Variants in TSHZ3 observed in about 807,000 individuals in gnomAD.
The protein encoded by TSHZ3 is teashirt homolog 3.
A neutral mutation model predicts 64.5 loss-of-function variants in TSHZ3; 10 were observed. The observed-to-expected ratio is 0.16, with a 90% CI of 0.10 to 0.26. The LOEUF (loss-of-function observed/expected upper bound fraction) is 0.26, where lower values mean the gene tolerates loss of function less well. Ranked by LOEUF, TSHZ3 falls within the 10% of genes least tolerant of loss-of-function variation. TSHZ3 has a pLI of 1.00. For missense variants in TSHZ3, 1,242 were observed against 1,421.7 expected, an observed-to-expected ratio of 0.87 and a Z score of 2.03; for synonymous variants, 608 against 593.1, an observed-to-expected ratio of 1.03 and a Z score of -0.36.
chr19:31,196,956 C>G (rs1436875822), intron 5 of TSHZ3, among the ~76,000 whole-genome samples: 1 of 151,970 alleles, frequency 6.6e-6, no homozygotes, highest in Non-Finnish European at 1.5e-5. Flanking sequence ...CATCAATCAA[C>G]TGTATATAAT....
At chr19:31,315,743 A>G (rs1003270437) in intron 1 of TSHZ3, among the ~76,000 whole-genome samples, 1 of 152,256 alleles carries the variant, frequency 6.6e-6, no homozygotes, top group African/African-American at 2.4e-5. Flanking sequence ...AACACAAACC[A>G]TTAAGTTTGT....
At chr19:31,181,998 A>G (rs1052367128) in intron 5 of TSHZ3, among the ~76,000 whole-genome samples, 7 of 152,182 alleles carry the variant, frequency 4.6e-5, no homozygotes, top group Non-Finnish European at 8.8e-5. Context: ...TCTCCACTGC[A>G]GGTGAATGCA....
downstream of TSHZ3, among the ~76,000 whole-genome samples, chr19:31,272,114 G>A (rs572199257): frequency 1.3e-5 from 2 of 152,270 alleles, no homozygotes; most frequent in South Asian, 2.1e-4. Flanking sequence ...GTCTAAAGAT[G>A]ATAGTTTTCA....
intron 5 of TSHZ3, among the ~76,000 whole-genome samples, chr19:31,156,505 C>T (rs952166311): frequency 5.3e-5 from 8 of 152,162 alleles, no homozygotes; most frequent in Non-Finnish European, 2.9e-5. Context: ...AGATATCAGC[C>T]ACCCAGGGCA....
At chr19:31,156,933 T>C (rs1279615156) in intron 5 of TSHZ3, among the ~76,000 whole-genome samples, 12 of 152,162 alleles carry the variant, frequency 7.9e-5, no homozygotes, top group Admixed American at 7.9e-4. Context: ...CCACTTCTGC[T>C]GCCCAATGTG....
chr19:31,325,557 C>T (rs968472373), intron 1 of TSHZ3, among the ~76,000 whole-genome samples: 3 of 152,148 alleles, frequency 2.0e-5, no homozygotes, highest in African/African-American at 4.8e-5. Context: ...ACATCACGCG[C>T]GCACTCCCAC....
intron 5 of TSHZ3, among the ~76,000 whole-genome samples, chr19:31,164,051 G>A (rs1376712004): frequency 6.6e-6 from 1 of 152,136 alleles, no homozygotes; most frequent in South Asian, 2.1e-4. Flanking sequence ...GGTCGAGCTG[G>A]GAGTCTCACG....
chr19:31,216,869 G>A (rs576531572), intron 4 of TSHZ3, among the ~76,000 whole-genome samples: 7 of 151,794 alleles, frequency 4.6e-5, no homozygotes, highest in Non-Finnish European at 7.4e-5. Context: ...TGTTAGCCAG[G>A]ATGGTCTCGA....
At chr19:31,171,456 G>C (rs933981988) in intron 5 of TSHZ3, among the ~76,000 whole-genome samples, 1 of 152,104 alleles carries the variant, frequency 6.6e-6, no homozygotes, top group Non-Finnish European at 1.5e-5. Flanking sequence ...TGGGAAAACT[G>C]AAATTAGGGA....
At position 31,301,671 on chromosome 19, in the gene TSHZ3, C is replaced by T. The variant is rs966289358; in HGVS notation, c.41-21919G>A. Among the ~76,000 whole-genome samples, 8 of 152,078 alleles carry T rather than the reference C, an allele frequency of 5.3e-5. No individual in the cohort carries two copies. In the East Asian group the frequency reaches 5.8e-4, roughly 11 times the overall value. On this transcript the variant is annotated intron_variant, in intron 1 of 1. Coordinates refer to ENST00000240587, the MANE Select transcript of TSHZ3 (RefSeq NM_020856.4). ...CCTCCCATGGCAGGTCAGAGAGGGT[C>T]GGGTCAGAAGGTGTCTGAGGTGCTT...
intron 5 of TSHZ3, among the ~76,000 whole-genome samples, chr19:31,168,956 C>A (rs1027350078): frequency 6.6e-6 from 1 of 152,122 alleles, no homozygotes; most frequent in Non-Finnish European, 1.5e-5. Flanking sequence ...AAATTCAGTT[C>A]TTTATGTGAA....
intron 5 of TSHZ3, among the ~76,000 whole-genome samples, chr19:31,196,072 T>G (rs1365633271): frequency 6.6e-6 from 1 of 151,886 alleles, no homozygotes; most frequent in Non-Finnish European, 1.5e-5. Context: ...CATGACATTG[T>G]GTGTGTATGT....
At chr19:31,181,577 A>G (rs1974715774) in intron 5 of TSHZ3, among the ~76,000 whole-genome samples, 1 of 152,140 alleles carries the variant, frequency 6.6e-6, no homozygotes, top group African/African-American at 2.4e-5. Flanking sequence ...GACTTATGCC[A>G]GCTACCAGGA....
intron 3 of TSHZ3, among the ~76,000 whole-genome samples, chr19:31,233,474 G>T (rs4805656): frequency 0.36 from 55,075 of 151,978 alleles, 14,062 homozygotes; most frequent in African/African-American, 0.72. Flanking sequence ...GAACTTTGTA[G>T]ACTCTGGATA....
chr19:31,200,836 G>A (rs984047356), intron 5 of TSHZ3, among the ~76,000 whole-genome samples: 4 of 152,038 alleles, frequency 2.6e-5, no homozygotes, highest in African/African-American at 9.7e-5. Flanking sequence ...GGGAAGGGGG[G>A]TGCATGGGAA....
chr19:31,334,427 A>C (rs1477677549), intron 1 of TSHZ3, among the ~76,000 whole-genome samples: 1 of 152,234 alleles, frequency 6.6e-6, no homozygotes, highest in East Asian at 1.9e-4. Context: ...TTTGTTAGGC[A>C]GATGAGTAAT....
chr19:31,205,214 C>T (rs1385296617), intron 4 of TSHZ3, among the ~76,000 whole-genome samples: 3 of 152,088 alleles, frequency 2.0e-5, no homozygotes, highest in Non-Finnish European at 4.4e-5. Context: ...GGGCCAAGTG[C>T]CTTACACTTG....
chr19:31,221,924 C>A (rs10404275), intron 4 of TSHZ3, among the ~76,000 whole-genome samples: 6,486 of 152,160 alleles, frequency 0.043, 206 homozygotes, highest in South Asian at 0.088. Flanking sequence ...AAGAATGGGA[C>A]CTTTGCAACC....
upstream of TSHZ3, among the ~76,000 whole-genome samples, chr19:31,349,712 G>C (rs1253136907): frequency 6.8e-5 from 10 of 147,684 alleles, no homozygotes; most frequent in East Asian, 1.1e-3. Context: ...GGCCCGGACC[G>C]GTACTGCCCC....
Sources: allele counts gnomAD v4.1 joint callset (sites outside exome capture counted in the v4.1 genomes callset), GRCh38; gene constraint gnomAD v4.1.1; transcripts MANE v1.5; gene names NCBI Gene and HGNC (gene_info 2026-07-23, HGNC 2026-07-21).